The following RASSF5 variants were observed in gnomAD, a reference collection of about 807,000 sequenced individuals.
RASSF5 encodes Ras association domain family member 5.
RASSF5 carries 25 observed loss-of-function variants against 40.5 expected under a neutral mutation model. The observed-to-expected ratio is 0.62, with a 90% CI of 0.45 to 0.86. The LOEUF (loss-of-function observed/expected upper bound fraction) is 0.86, where lower values mean the gene tolerates loss of function less well. RASSF5 is among the 40% of genes least tolerant of loss of function. The pLI, the probability that RASSF5 is intolerant of heterozygous loss-of-function variation, is 0.00. For missense variants in RASSF5, 521 were observed against 572.8 expected, an observed-to-expected ratio of 0.91 and a Z score of 0.92; for synonymous variants, 246 against 252.4, an observed-to-expected ratio of 0.97 and a Z score of 0.24.
At chr1:206,526,007 C>G (rs1198700355) in intron 1 of RASSF5, among the ~76,000 whole-genome samples, 3 of 152,136 alleles carry the variant, frequency 2.0e-5, no homozygotes, top group Admixed American at 2.0e-4. Flanking sequence ...CCCTTCTCAC[C>G]GGCCTTGGAG....
intron 1 of RASSF5, among the ~76,000 whole-genome samples, chr1:206,523,572 C>T (rs1167630604): frequency 2.2e-5 from 2 of 90,320 alleles, no homozygotes; most frequent in East Asian, 5.5e-4. Flanking sequence ...GCCTGGGTGA[C>T]AGAGCAAGAC....
chr1:206,561,011 G>A (rs1668122554), intron 2 of RASSF5, among the ~76,000 whole-genome samples: 1 of 152,170 alleles, frequency 6.6e-6, no homozygotes, highest in African/African-American at 2.4e-5. Context: ...CCTACAGGTG[G>A]TGGCCATTTA....
intron 1 of RASSF5, among the ~76,000 whole-genome samples, chr1:206,532,313 T>C (rs1553398091): frequency 6.6e-6 from 1 of 152,152 alleles, no homozygotes; most frequent in Admixed American, 6.5e-5. Context: ...GTTCTTGACA[T>C]CAGGAACCCC....
At chr1:206,583,161 G>T in intron 2 of RASSF5, 108 bp from the exon 3 acceptor site, 1 of 737,206 alleles carries the variant, frequency 1.4e-6, no homozygotes, top group Non-Finnish European at 2.4e-6. Flanking sequence ...ACTCTGCAGG[G>T]CTGGATGCTC....
intron 2 of RASSF5, among the ~76,000 whole-genome samples, chr1:206,562,836 G>T (rs933436896): frequency 1.3e-5 from 2 of 151,990 alleles, no homozygotes; most frequent in African/African-American, 4.8e-5. Context: ...GCAGGAGAAT[G>T]GTGTGAACCC....
At chr1:206,553,902 G>A (rs542978416) in intron 2 of RASSF5, among the ~76,000 whole-genome samples, 18 of 152,302 alleles carry the variant, frequency 1.2e-4, no homozygotes, top group South Asian at 2.1e-4. Context: ...CAGACCCAGC[G>A]GAATTGATAT....
chr1:206,571,971 TAA>T (rs1391291757), intron 2 of RASSF5, among the ~76,000 whole-genome samples: 8 of 151,994 alleles, frequency 5.3e-5, no homozygotes, highest in African/African-American at 1.9e-4. Context: ...ACCTCTGAGC[TAA>T]AAAGGGGGCT....
At chr1:206,586,590 A>C (rs1669120591) in intron 5 of RASSF5, 2 of 435,162 alleles carry the variant, frequency 4.6e-6, no homozygotes, top group East Asian at 8.2e-5. Flanking sequence ...AAATAAAAAC[A>C]TGGTTCATAG....
intron 2 of RASSF5, among the ~76,000 whole-genome samples, chr1:206,558,132 G>A (rs781882241): frequency 6.6e-5 from 10 of 152,210 alleles, no homozygotes; most frequent in East Asian, 5.8e-4. Flanking sequence ...TGGGACTTCC[G>A]TATTTGAAGT....
chr1:206,554,472 C>T lies in RASSF5; in HGVS notation c.579+16179C>T, dbSNP rs116520358. Among the ~76,000 whole-genome samples the T allele has an allele frequency of 2.8e-3, 426 of 152,330 alleles. 3 individuals are homozygous for T. Among genetic ancestry groups the T allele is most frequent in the African/African-American group, 9.6e-3 (401 of 41,574 alleles). On this transcript the variant is annotated intron_variant, in intron 2 of 5. Transcript: ENST00000579436. ...TGAGTTAGGAAAGTGGCCCATTCAT[C>T]ATTTCAATGGGGCTTTCTGAACCCC...
chr1:206,521,112 C>A (rs1553396028), intron 1 of RASSF5, among the ~76,000 whole-genome samples: 2 of 152,176 alleles, frequency 1.3e-5, no homozygotes, highest in African/African-American at 4.8e-5. Flanking sequence ...CACCGGGTAT[C>A]TTTAGGAGCT....
At chr1:206,520,579 C>T (rs572360275) in intron 1 of RASSF5, among the ~76,000 whole-genome samples, 5 of 150,322 alleles carry the variant, frequency 3.3e-5, no homozygotes, top group South Asian at 4.3e-4. Flanking sequence ...TGCACTCCAG[C>T]CCAGTTGACA....
chr1:206,562,729 C>T (rs1668177121), intron 2 of RASSF5, among the ~76,000 whole-genome samples: 1 of 152,036 alleles, frequency 6.6e-6, no homozygotes, highest in Admixed American at 6.6e-5. Flanking sequence ...TCAGGAGATC[C>T]AGACCATCCT....
intron 2 of RASSF5, among the ~76,000 whole-genome samples, chr1:206,540,572 G>A (rs1157229147): frequency 3.9e-5 from 6 of 152,248 alleles, no homozygotes; most frequent in Non-Finnish European, 8.8e-5. Context: ...TATTTGCCTT[G>A]GACAGGCCTG....
chr1:206,539,894 G>C (rs1344915394), intron 2 of RASSF5, among the ~76,000 whole-genome samples: 1 of 152,118 alleles, frequency 6.6e-6, no homozygotes, highest in Non-Finnish European at 1.5e-5. Flanking sequence ...TTCTCTTTGG[G>C]AGCTTCCAAG....
At chr1:206,520,202 G>A (rs956152959) in intron 1 of RASSF5, among the ~76,000 whole-genome samples, 1 of 152,228 alleles carries the variant, frequency 6.6e-6, no homozygotes, top group East Asian at 1.9e-4. Context: ...GAGGGGAGAA[G>A]ACAGGATGCT....
At chr1:206,574,751 C>G (rs1298137787) in intron 2 of RASSF5, among the ~76,000 whole-genome samples, 4 of 151,918 alleles carry the variant, frequency 2.6e-5, no homozygotes, top group Non-Finnish European at 4.4e-5. Context: ...GAGTCCATTT[C>G]AGAACACAGG....
chr1:206,566,850 GACC>G (rs1553403470), intron 2 of RASSF5, among the ~76,000 whole-genome samples: 1 of 152,160 alleles, frequency 6.6e-6, no homozygotes, highest in Admixed American at 6.5e-5. Context: ...CTGGACCAGG[GACC>G]ATAGCTTGTT....
At chr1:206,564,104 G>C (rs1668220837) in intron 2 of RASSF5, among the ~76,000 whole-genome samples, 1 of 152,162 alleles carries the variant, frequency 6.6e-6, no homozygotes, top group Admixed American at 6.5e-5. Context: ...AAACACCCTT[G>C]TCATGTGAGT....
Sources: gnomAD v4.1 joint callset for allele counts (sites outside exome capture counted in the v4.1 genomes callset) on GRCh38, gnomAD v4.1.1 for gene constraint, MANE v1.5 for transcripts, NCBI Gene and HGNC (gene_info 2026-07-23, HGNC 2026-07-21) for gene names.